DNAH9: variants seen among roughly 807,000 people sequenced by gnomAD.
The protein encoded by DNAH9 is DNAH9 variant protein.
DNAH9 carries 345 observed loss-of-function variants against 471.6 expected under a neutral mutation model. That is an observed-to-expected ratio of 0.73 (90% CI 0.67 to 0.80). DNAH9 has a LOEUF of 0.80. Ranked by LOEUF, DNAH9 falls within the 30% of genes least tolerant of loss-of-function variation. DNAH9 has a pLI of 0.00. For missense variants in DNAH9, 5,407 were observed against 5,609.2 expected (o/e 0.96, Z 1.15); for synonymous variants, 2,093 against 2,123.6 (o/e 0.99, Z 0.40).
At chr17:11,804,233 A>C (rs1316591249) in intron 43 of DNAH9, among the ~76,000 whole-genome samples, 1 of 152,234 alleles carries the variant, frequency 6.6e-6, no homozygotes, top group Non-Finnish European at 1.5e-5. Flanking sequence ...AAAATCATAA[A>C]ATTACTGAAT....
chr17:11,830,291 A>C (rs970646247), intron 48 of DNAH9, among the ~76,000 whole-genome samples: 1 of 152,152 alleles, frequency 6.6e-6, no homozygotes, highest in Non-Finnish European at 1.5e-5. Context: ...TCCTCCCAGC[A>C]CCTACATTTA....
At chr17:11,883,462 C>T (rs1201182912) in intron 55 of DNAH9, 124 bp from the exon 56 acceptor site, 2 of 1,282,402 alleles carry the variant, frequency 1.6e-6, no homozygotes, top group Non-Finnish European at 2.1e-6. Flanking sequence ...GTCTGAAGCT[C>T]TTTGCCATTC....
At chr17:11,810,867 G>A (rs1408043813) in intron 45 of DNAH9, among the ~76,000 whole-genome samples, 1 of 152,230 alleles carries the variant, frequency 6.6e-6, no homozygotes, top group African/African-American at 2.4e-5. Context: ...CAAAGTGGAA[G>A]TTCCACATAG....
chr17:11,854,266 C>T lies in DNAH9; in HGVS notation c.9771C>T (p.Thr3257=), dbSNP rs139558107. 2.4e-5 allele frequency: 39 copies of T among 1,614,046 alleles called. No individual in the cohort carries two copies. The highest frequency in any genetic ancestry group is 3.1e-5 in the Non-Finnish European group (37 of 1,180,036). ...DPEFNPEFVA[T]KSYAAAGLCS... is the part of the protein sequence containing the mutation. Reference sequence around the variant, plus strand: ...AGTTCAATCCTGAGTTTGTGGCCACCAAATCCTATGCGGCTGCAGGCCTCT... The same window carrying T: ...AGTTCAATCCTGAGTTTGTGGCCACTAAATCCTATGCGGCTGCAGGCCTCT... Residue 3257 remains threonine (T), a synonymous_variant, in exon 50 of 69, where the codon ACC becomes ACT. Coordinates refer to ENST00000262442, the MANE Select transcript of DNAH9 (RefSeq NM_001372.4).
intron 33 of DNAH9, among the ~76,000 whole-genome samples, chr17:11,753,622 C>T (rs540368086): frequency 6.6e-5 from 10 of 152,276 alleles, no homozygotes; most frequent in African/African-American, 1.7e-4. Context: ...GCCGAGATCG[C>T]GCCATTGCAC....
At position 11,905,892 on chromosome 17, in the gene DNAH9, G is replaced by A; in HGVS notation, c.11749+83G>A. Reference sequence around the variant, plus strand: ...TGGGGTCTATTGATTTCTCTTTTCTGGATTCAAGCTTCAAATATGCAACAC... The same window carrying A: ...TGGGGTCTATTGATTTCTCTTTTCTAGATTCAAGCTTCAAATATGCAACAC... On this transcript the variant is annotated intron_variant, in intron 61 of 68. Transcript: ENST00000262442. 4.1e-6 allele frequency: 6 copies of A among 1,454,350 alleles called. No homozygotes were observed. The South Asian group carries it at 8.8e-5, about 21-fold the overall frequency. 90.1% of individuals were successfully genotyped at this position (1,454,350 alleles called of 1,614,324 possible).
Position 11,598,516 on chromosome 17 carries a change from G to C in DNAH9, c.18G>C (p.Glu6Asp). 1.4e-6 allele frequency: 2 copies of C among 1,387,052 alleles called. No homozygotes were observed. The highest frequency in any genetic ancestry group is 1.9e-6 in the Non-Finnish European group (2 of 1,080,338). The allele number at this position is 1,387,052 out of a possible 1,614,324, so 85.9% of individuals were successfully genotyped here. A position where few individuals can be genotyped will look rare whatever the true frequency, so the allele number is the denominator to read the frequency against. The change falls in exon 1 of 69, where the codon GAG becomes GAC. Residue 6 changes from glutamate (E) to aspartate (D), a missense_variant. Glu to Asp is a conservative substitution (Grantham distance 45). Coordinates refer to ENST00000262442, the MANE Select transcript of DNAH9 (RefSeq NM_001372.4). MRLAEERAALAAENAD... is the reference protein window; with the variant it reads MRLAEDRAALAAENAD... ...CGCGCGCGATGCGGCTCGCGGAGGA[G>C]CGGGCCGCGCTCGCGGCGGAGAACG...
intron 67 of DNAH9, among the ~76,000 whole-genome samples, chr17:11,944,768 C>A (rs373109176): frequency 6.6e-6 from 1 of 152,156 alleles, no homozygotes; most frequent in African/African-American, 2.4e-5. Flanking sequence ...GTCCTACCAA[C>A]CTCTAAGGGT....
chr17:11,792,290 A>G (rs1969093140), intron 41 of DNAH9, among the ~76,000 whole-genome samples: 1 of 152,186 alleles, frequency 6.6e-6, no homozygotes, highest in South Asian at 2.1e-4. Context: ...GAAAAGAGTG[A>G]TCATGAGGAA....
At chr17:11,847,865 C>T (rs1204695833) in intron 49 of DNAH9, among the ~76,000 whole-genome samples, 1 of 152,108 alleles carries the variant, frequency 6.6e-6, no homozygotes, top group African/African-American at 2.4e-5. Context: ...ATCAGAAGGT[C>T]ATAGGAAGGA....
chr17:11,956,162 T>C (rs376333814), intron 67 of DNAH9, among the ~76,000 whole-genome samples: 1 of 152,006 alleles, frequency 6.6e-6, no homozygotes, highest in South Asian at 2.1e-4. Context: ...AAAAATATAA[T>C]ATAAAAACAC....
chr17:11,779,166 G>T (rs1968577634), intron 38 of DNAH9, among the ~76,000 whole-genome samples: 1 of 152,108 alleles, frequency 6.6e-6, no homozygotes, highest in African/African-American at 2.4e-5. Context: ...GAGAAATTCA[G>T]CCAGAATGTA....
intron 49 of DNAH9, among the ~76,000 whole-genome samples, chr17:11,849,681 C>A (rs532584740): frequency 6.6e-5 from 10 of 152,280 alleles, no homozygotes; most frequent in African/African-American, 2.4e-4. Flanking sequence ...GAGGAAGAGA[C>A]CTTCCTAACT....
At chr17:11,862,847 T>C (rs930834076) in intron 50 of DNAH9, among the ~76,000 whole-genome samples, 2 of 151,872 alleles carry the variant, frequency 1.3e-5, no homozygotes, top group African/African-American at 4.8e-5. Context: ...ATAAGAATGC[T>C]TGTGATTTTT....
intron 14 of DNAH9, among the ~76,000 whole-genome samples, chr17:11,655,371 TGTGTGTGTG>T: frequency 1.3e-5 from 2 of 151,112 alleles, no homozygotes; most frequent in Non-Finnish European, 2.9e-5. Flanking sequence ...TGTGTGTGTG[TGTGTGTGTG>T]TGTGTAGAAC....
At chr17:11,673,982 T>C (rs1295360008) in intron 17 of DNAH9, among the ~76,000 whole-genome samples, 1 of 152,234 alleles carries the variant, frequency 6.6e-6, no homozygotes, top group Non-Finnish European at 1.5e-5. Flanking sequence ...CATATATTTT[T>C]CTGTGTTCTA....
intron 19 of DNAH9, among the ~76,000 whole-genome samples, chr17:11,685,101 C>A (rs1337009493): frequency 6.6e-6 from 1 of 152,042 alleles, no homozygotes; most frequent in Admixed American, 6.5e-5. Context: ...GGACTTATAG[C>A]CTCAGGGACA....
intron 50 of DNAH9, among the ~76,000 whole-genome samples, chr17:11,854,888 G>A (rs1302029459): frequency 2.6e-5 from 4 of 152,152 alleles, no homozygotes; most frequent in Non-Finnish European, 4.4e-5. Context: ...GACTTAGTGG[G>A]TGGCCCCTAG....
rs573153775 is a variant in DNAH9 at position 11,945,321 on chromosome 17, A to C, written c.12843+2836A>C. The stretch of plus-strand genomic sequence containing the variant: ...GGAGGCCGAGGCAGGTGGATTGCTT[A>C]AGGTCAGGAGTTCAAGACCAGCCTG... On this transcript the variant is annotated intron_variant, in intron 67 of 68. Transcript: ENST00000262442. Among the ~76,000 whole-genome samples the C allele has an allele frequency of 4.6e-5, 7 of 151,538 alleles. No homozygotes were observed. In the South Asian group the frequency reaches 1.5e-3, roughly 32 times the overall value.
Sources: allele counts gnomAD v4.1 joint callset (sites outside exome capture counted in the v4.1 genomes callset), GRCh38; gene constraint gnomAD v4.1.1; transcripts MANE v1.5; gene names NCBI Gene and HGNC (gene_info 2026-07-23, HGNC 2026-07-21).